The following TENM2 variants were observed in gnomAD, a reference collection of about 807,000 sequenced individuals.
The protein encoded by TENM2 is teneurin transmembrane protein 2.
TENM2 carries 52 observed loss-of-function variants against 245.2 expected under a neutral mutation model. The ratio of observed to expected loss-of-function variants is 0.21; its 90% CI spans 0.17 to 0.27. The LOEUF (loss-of-function observed/expected upper bound fraction) is 0.27. Ranked by LOEUF, TENM2 falls within the 10% of genes least tolerant of loss-of-function variation. The pLI, the probability that TENM2 is intolerant of heterozygous loss-of-function variation, is 1.00. For synonymous variants in TENM2, 1,363 were observed against 1,438.9 expected, an observed-to-expected ratio of 0.95 and a Z score of 1.19; for missense variants, 3,046 against 3,666.8, an observed-to-expected ratio of 0.83 and a Z score of 4.37.
the TENM2 span, among the ~76,000 whole-genome samples, chr5:167,207,880 A>T: frequency 6.6e-6 from 1 of 152,114 alleles, no homozygotes; most frequent in East Asian, 1.9e-4. Context: ...CAGCCTCCCG[A>T]GTAGCTGAGA....
At chr5:167,128,829 T>C in the TENM2 span, among the ~76,000 whole-genome samples, 35 of 152,332 alleles carry the variant, frequency 2.3e-4, no homozygotes, top group Non-Finnish European at 4.3e-4. Context: ...CATTCTTGTG[T>C]TATTAGTGTC....
At chr5:167,631,120 T>C (rs1778839426) in intron 2 of TENM2, among the ~76,000 whole-genome samples, 1 of 152,116 alleles carries the variant, frequency 6.6e-6, no homozygotes, top group South Asian at 2.1e-4. Context: ...CAGTTTAAGA[T>C]TTAAGAAAGA....
At chr5:166,996,656 A>G in the TENM2 span, among the ~76,000 whole-genome samples, 1 of 152,194 alleles carries the variant, frequency 6.6e-6, no homozygotes, top group Admixed American at 6.5e-5. Flanking sequence ...TTCTGAGTTC[A>G]TGAATATTAT....
chr5:167,741,142 A>AT (rs1383562206), intron 2 of TENM2, among the ~76,000 whole-genome samples: 1 of 152,102 alleles, frequency 6.6e-6, no homozygotes, highest in Admixed American at 6.6e-5. Context: ...AAGTTAAGTG[A>AT]TTTTGCCCAC....
the TENM2 span, among the ~76,000 whole-genome samples, chr5:167,219,715 G>A: frequency 6.6e-6 from 1 of 152,174 alleles, no homozygotes; most frequent in Non-Finnish European, 1.5e-5. Flanking sequence ...TTTGAAATTT[G>A]CCTGAAAAGG....
chr5:166,997,456 T>C, the TENM2 span, among the ~76,000 whole-genome samples: 1 of 152,166 alleles, frequency 6.6e-6, no homozygotes, highest in Non-Finnish European at 1.5e-5. Flanking sequence ...CCAGCCCACA[T>C]GACTCCAGAA....
At chr5:167,691,207 G>C (rs1757412369) in intron 2 of TENM2, among the ~76,000 whole-genome samples, 1 of 152,030 alleles carries the variant, frequency 6.6e-6, no homozygotes, top group African/African-American at 2.4e-5. Flanking sequence ...TCACACACTT[G>C]TGATTTTCCT....
rs953719999 is a variant in TENM2 at position 168,247,392 on chromosome 5, C to T, written c.6453C>T (p.Ser2151=). 4 of 1,613,884 alleles carry T rather than the reference C, an allele frequency of 2.5e-6. No individual in the cohort carries two copies. The highest frequency in any genetic ancestry group is 3.4e-6 in the Non-Finnish European group (4 of 1,179,912). The change falls in exon 27 of 29, where the codon AGC becomes AGT. Residue 2151 remains serine (S), a synonymous_variant. Coordinates refer to ENST00000518659, the Ensembl canonical transcript of TENM2. The surrounding 1 kb of genome is among the most constrained non-coding windows in gnomAD (Gnocchi z 7.8). ...TCACCACTGCCGTGATGACCCTCAG[C>T]AAACACTTCGACACCCATGGGCGGA... is the stretch of plus-strand genomic sequence containing the variant.
chr5:167,587,465 T>C (rs1775585419), intron 2 of TENM2, among the ~76,000 whole-genome samples: 1 of 152,198 alleles, frequency 6.6e-6, no homozygotes, highest in South Asian at 2.1e-4. Context: ...TAAGGCCTTT[T>C]GGAAGGAGAA....
At chr5:167,337,081 C>A (rs1757813414) in intron 1 of TENM2, among the ~76,000 whole-genome samples, 1 of 124,588 alleles carries the variant, frequency 8.0e-6, no homozygotes. Context: ...TGCGCCACTG[C>A]AGTCCGCAGT....
At chr5:167,049,223 C>T in the TENM2 span, among the ~76,000 whole-genome samples, 1 of 152,180 alleles carries the variant, frequency 6.6e-6, no homozygotes, top group Non-Finnish European at 1.5e-5. Context: ...GCTTTCTGTG[C>T]TACACAGATC....
At chr5:167,896,262 C>T (rs1775211461) in intron 3 of TENM2, among the ~76,000 whole-genome samples, 1 of 152,088 alleles carries the variant, frequency 6.6e-6, no homozygotes, top group African/African-American at 2.4e-5. Context: ...AGTGCAAAGG[C>T]TTGGAGAGAC....
chr5:167,646,200 C>CATATATAT (rs61476810), intron 2 of TENM2, among the ~76,000 whole-genome samples: 1,605 of 63,060 alleles, frequency 0.025, 27 homozygotes, highest in Middle Eastern at 0.069. Context: ...ATGTTGTTTT[C>CATATATAT]ATATATATAT....
At chr5:167,703,588 TGTGA>T (rs964374028) in intron 2 of TENM2, among the ~76,000 whole-genome samples, 4 of 150,880 alleles carry the variant, frequency 2.7e-5, no homozygotes, top group African/African-American at 4.9e-5. Flanking sequence ...ATGAATTGGG[TGTGA>T]GTCTTACTTG....
intron 2 of TENM2, among the ~76,000 whole-genome samples, chr5:167,755,707 G>A (rs1427797803): frequency 1.3e-5 from 2 of 152,072 alleles, no homozygotes; most frequent in Non-Finnish European, 2.9e-5. Flanking sequence ...TAGGCAAAAG[G>A]AAGACAGGGG....
intron 17 of TENM2, 50 bp from the exon 20 acceptor site, chr5:168,203,639 A>G (rs1225534860): frequency 1.3e-6 from 2 of 1,527,628 alleles, no homozygotes; most frequent in Non-Finnish European, 1.8e-6. Flanking sequence ...GGAGTAATCA[A>G]GTAAACTCTC....
At chr5:167,109,556 A>G in the TENM2 span, among the ~76,000 whole-genome samples, 10 of 152,076 alleles carry the variant, frequency 6.6e-5, no homozygotes, top group Non-Finnish European at 1.5e-4. Context: ...GTTCATCCTA[A>G]CAATAAAAGT....
intron 2 of TENM2, among the ~76,000 whole-genome samples, chr5:167,596,668 C>A (rs1161493861): frequency 6.6e-6 from 1 of 151,626 alleles, no homozygotes; most frequent in African/African-American, 2.4e-5. Flanking sequence ...TGGTGGCAGG[C>A]GCCTGTAGTC....
chr5:167,391,566 A>C (rs1761753642), intron 2 of TENM2, among the ~76,000 whole-genome samples: 2 of 145,312 alleles, frequency 1.4e-5, no homozygotes, highest in Non-Finnish European at 3.0e-5. Flanking sequence ...CAGAGTTTGC[A>C]GTGAGCCAAG....
Sources: gnomAD v4.1 joint callset for allele counts (sites outside exome capture counted in the v4.1 genomes callset) on GRCh38, gnomAD v4.1.1 for gene constraint, Gnocchi (gnomAD v3.1) non-coding constraint, MANE v1.5 for transcripts, NCBI Gene and HGNC (gene_info 2026-07-23, HGNC 2026-07-21) for gene names.